The following CAMSAP2 variants were observed in gnomAD, a reference collection of about 807,000 sequenced individuals.
The protein encoded by CAMSAP2 is calmodulin-regulated spectrin-associated protein 2.
Under a neutral mutation model 146.1 loss-of-function variants are expected in CAMSAP2, and 26 were observed. The observed-to-expected ratio is 0.18, with a 90% CI of 0.13 to 0.25. CAMSAP2 has a LOEUF of 0.25. Ranked by LOEUF, CAMSAP2 falls within the 10% of genes least tolerant of loss-of-function variation. The pLI is 1.00. For synonymous variants in CAMSAP2, 499 were observed against 596.6 expected (o/e 0.84, Z 2.38); for missense variants, 1,381 against 1,759.3 (o/e 0.78, Z 3.85).
chr1:200,750,039 ATGGGG>A (rs1571713101), intron 1 of CAMSAP2, among the ~76,000 whole-genome samples: 1 of 152,106 alleles, frequency 6.6e-6, no homozygotes, highest in East Asian at 1.9e-4. Context: ...ACCCTTGGGG[ATGGGG>A]TGGTGTGTGT....
At chr1:200,790,366 G>A (rs1237848305) in intron 2 of CAMSAP2, among the ~76,000 whole-genome samples, 1 of 152,150 alleles carries the variant, frequency 6.6e-6, no homozygotes, top group Non-Finnish European at 1.5e-5. Flanking sequence ...GGGAAGGGTT[G>A]GGGACAGTTT....
intron 4 of CAMSAP2, among the ~76,000 whole-genome samples, chr1:200,818,228 C>T (rs1009186491): frequency 6.6e-6 from 1 of 151,930 alleles, no homozygotes; most frequent in Non-Finnish European, 1.5e-5. Context: ...TATATGATGA[C>T]AGAGGGCCCA....
intron 4 of CAMSAP2, among the ~76,000 whole-genome samples, chr1:200,817,157 TACAC>T (rs1211763114): frequency 3.2e-4 from 31 of 95,998 alleles, no homozygotes; most frequent in African/African-American, 1.1e-3. Context: ...CATACACACA[TACAC>T]ACACGTGTGT....
intron 4 of CAMSAP2, among the ~76,000 whole-genome samples, chr1:200,815,943 T>A (rs1666470968): frequency 6.6e-6 from 1 of 152,232 alleles, no homozygotes; most frequent in African/African-American, 2.4e-5. Flanking sequence ...GGAAACAATT[T>A]TAAATGTTCA....
chr1:200,806,790 TATCTATC>T (rs1666188746), intron 2 of CAMSAP2, among the ~76,000 whole-genome samples: 1 of 151,714 alleles, frequency 6.6e-6, no homozygotes, highest in African/African-American at 2.4e-5. Context: ...TCTATCTATC[TATCTATC>T]TATCTATCTA....
At chr1:200,747,175 C>T (rs1664357743) in intron 1 of CAMSAP2, among the ~76,000 whole-genome samples, 3 of 152,168 alleles carry the variant, frequency 2.0e-5, no homozygotes, top group South Asian at 2.1e-4. Context: ...TTGGGATTAC[C>T]TGCGTGAGCC....
Position 200,849,839 on chromosome 1 carries a change from G to A in CAMSAP2, c.3070G>A (p.Asp1024Asn). 1 of 1,614,198 alleles carries A rather than the reference G, an allele frequency of 6.2e-7. No individual in the cohort carries two copies. The highest frequency in any genetic ancestry group is 1.1e-5 in the South Asian group (1 of 91,082). ...AACTAGGTCATTTGTATGTTTTGGG[G>A]ATGATGGAGAACCTCAGTTAAAGGA... ...IQTRSFVCFG[D>N]DGEPQLKESK... The change falls in exon 11 of 17, where the codon GAT (aspartate) becomes AAT (asparagine). Residue 1024 changes from aspartate (D) to asparagine (N), a missense_variant. Asp to Asn is a conservative substitution (Grantham distance 23). Around this residue, in one of 4 missense-constraint regions of CAMSAP2, gnomAD observed 560 missense variants for 715.9 expected, o/e 0.78. Coordinates refer to ENST00000358823, the MANE Select transcript of CAMSAP2 (RefSeq NM_203459.4). The surrounding 1 kb of genome is among the most constrained non-coding windows in gnomAD (Gnocchi z 6.3).
In CAMSAP2 at chr1:200,849,516, C is replaced by T. The variant is rs1169534876; in HGVS notation, c.2747C>T (p.Ser916Phe). ...TTAATGCAGATGAGAGAGCAACAAT[C>T]TTGGGTGATTTCACCTCCACAACCC... ...EMLMQMREQQ[S>F]WVISPPQPSP... The change falls in exon 11 of 17, where the codon TCT (serine) becomes TTT (phenylalanine). Residue 916 changes from serine (S) to phenylalanine (F), a missense_variant. Around this residue, in one of 4 missense-constraint regions of CAMSAP2, gnomAD observed 560 missense variants for 715.9 expected, o/e 0.78. Transcript: ENST00000358823. This position sits in a 1 kb window ranked among gnomAD's most constrained non-coding sequence, Gnocchi z 6.3. 1 of 1,614,064 alleles carries T rather than the reference C, an allele frequency of 6.2e-7. No individual in the cohort carries two copies. The highest frequency in any genetic ancestry group is 1.7e-5 in the Admixed American group (1 of 60,002).
intron 2 of CAMSAP2, among the ~76,000 whole-genome samples, chr1:200,775,055 G>T (rs1199885188): frequency 6.6e-6 from 1 of 152,142 alleles, no homozygotes; most frequent in African/African-American, 2.4e-5. Flanking sequence ...GGTAAATGCT[G>T]TGAAAAAAAT....
chr1:200,745,305 C>T (rs964987946), intron 1 of CAMSAP2, among the ~76,000 whole-genome samples: 1 of 152,090 alleles, frequency 6.6e-6, no homozygotes, highest in Non-Finnish European at 1.5e-5. Context: ...CAGACATCTC[C>T]AGATGTCTCC....
intron 4 of CAMSAP2, chr1:200,828,548 T>C: frequency 2.6e-6 from 4 of 1,545,192 alleles, no homozygotes; most frequent in East Asian, 4.9e-5. Context: ...TGCTTTCCCC[T>C]TTTTTCCCGC....
chr1:200,796,749 C>G lies in CAMSAP2; in HGVS notation c.400-10627C>G, dbSNP rs539206508. 7.3e-5 allele frequency among the ~76,000 whole-genome samples: 11 copies of G among 151,390 alleles called. No homozygotes were observed. The South Asian group carries it at 2.3e-3, about 32-fold the overall frequency. On this transcript the variant is annotated intron_variant, in intron 2 of 16. Coordinates refer to ENST00000358823, the MANE Select transcript of CAMSAP2 (RefSeq NM_203459.4). ...GGTTAGTTACATATGTATACATGTG[C>G]CATGCTGGTGCACTGCACCCACTAA...
At chr1:200,808,873 C>T (rs1666249781) in intron 3 of CAMSAP2, among the ~76,000 whole-genome samples, 1 of 152,194 alleles carries the variant, frequency 6.6e-6, no homozygotes, top group South Asian at 2.1e-4. Context: ...TAAGTACTCT[C>T]AGTTCTTATG....
chr1:200,808,704 C>A (rs1311041274), intron 3 of CAMSAP2, among the ~76,000 whole-genome samples: 1 of 152,198 alleles, frequency 6.6e-6, no homozygotes, highest in African/African-American at 2.4e-5. Flanking sequence ...TTACAGACTT[C>A]CCATTCTTGA....
Position 200,804,088 on chromosome 1 carries a change from G to A in CAMSAP2, c.400-3288G>A, listed in dbSNP as rs1424013203. Among the ~76,000 whole-genome samples, 5 of 152,004 alleles carry A rather than the reference G, an allele frequency of 3.3e-5. No homozygotes were observed. The South Asian group carries it at 8.3e-4, about 25-fold the overall frequency. On this transcript the variant is annotated intron_variant, in intron 2 of 16. Coordinates refer to ENST00000358823, the MANE Select transcript of CAMSAP2 (RefSeq NM_203459.4). ...ACTACAGGTGTCCGCCACCACGCCTGGCTAATTTTTTGTATTTTTAGTAGA... is the reference window on the plus strand; with the variant it reads ...ACTACAGGTGTCCGCCACCACGCCTAGCTAATTTTTTGTATTTTTAGTAGA...
Position 200,799,206 on chromosome 1 carries a change from T to A in CAMSAP2, c.400-8170T>A, listed in dbSNP as rs539946692. ...ATAAAAAGAGTTATGGAGAAGTCCC[T>A]CTTTTTCTGTTGTTTGGAATAATTT... is the stretch of plus-strand genomic sequence containing the variant. On this transcript the variant is annotated intron_variant, in intron 2 of 16. Coordinates refer to ENST00000358823, the MANE Select transcript of CAMSAP2 (RefSeq NM_203459.4). 5.9e-5 allele frequency among the ~76,000 whole-genome samples: 9 copies of A among 152,328 alleles called. No individual in the cohort carries two copies. In the East Asian group the frequency reaches 1.7e-3, roughly 29 times the overall value.
intron 3 of CAMSAP2, among the ~76,000 whole-genome samples, chr1:200,813,737 A>G (rs182371410): frequency 7.8e-4 from 119 of 152,312 alleles, no homozygotes; most frequent in African/African-American, 2.7e-3. Context: ...AAAAACAAGG[A>G]TATTTCCAAA....
At position 200,832,853 on chromosome 1, in the gene CAMSAP2, A is replaced by G. The variant is rs1287238977; in HGVS notation, c.927+8A>G. The stretch of plus-strand genomic sequence containing the variant: ...GCTGCTTCATCCATAAAGGTAAATT[A>G]AATTATTCTTTTTTTCCCTTTGCTT... On this transcript the variant is annotated splice_region_variant and intron_variant, in intron 6 of 16. Transcript: ENST00000358823. The surrounding 1 kb of genome is among the most constrained non-coding windows in gnomAD (Gnocchi z 4.2). The G allele has an allele frequency of 6.5e-7, 1 of 1,549,444 alleles. No individual in the cohort carries two copies. Among genetic ancestry groups the G allele is most frequent in the Admixed American group, 2.2e-5 (1 of 46,388 alleles).
intron 4 of CAMSAP2, among the ~76,000 whole-genome samples, chr1:200,829,153 C>A (rs1227426148): frequency 1.3e-5 from 2 of 152,034 alleles, no homozygotes; most frequent in African/African-American, 4.8e-5. Flanking sequence ...GAAACCGTCT[C>A]AAAAACAAAA....
Sources: allele counts gnomAD v4.1 joint callset (sites outside exome capture counted in the v4.1 genomes callset), GRCh38; gene constraint gnomAD v4.1.1; regional missense constraint gnomAD v4.1.1; non-coding constraint Gnocchi (gnomAD v3.1); transcripts MANE v1.5; gene names NCBI Gene and HGNC (gene_info 2026-07-23, HGNC 2026-07-21).